Variants in LMX1A observed in about 807,000 individuals in gnomAD.
LMX1A encodes the protein LIM homeobox transcription factor 1 alpha.
LMX1A carries 15 observed loss-of-function variants against 49.1 expected under a neutral mutation model. The observed-to-expected ratio is 0.31, with a 90% CI of 0.20 to 0.47. The LOEUF (loss-of-function observed/expected upper bound fraction) is 0.47, where lower values mean the gene tolerates loss of function less well. Among genes scored for constraint, LMX1A ranks in the 20% least tolerant of loss-of-function variants. LMX1A has a pLI of 1.00. For missense variants in LMX1A, 372 were observed against 475.8 expected (o/e 0.78, Z 2.03); for synonymous variants, 167 against 185.7 (o/e 0.90, Z 0.82).
chr1:165,349,899 A>G (rs936980729), intron 3 of LMX1A, among the ~76,000 whole-genome samples: 9 of 152,350 alleles, frequency 5.9e-5, no homozygotes, highest in African/African-American at 2.2e-4. Flanking sequence ...AGAAATGCAC[A>G]TACAGATGGC....
At chr1:165,337,250 T>C (rs1166718536) in intron 3 of LMX1A, among the ~76,000 whole-genome samples, 1 of 152,206 alleles carries the variant, frequency 6.6e-6, no homozygotes, top group Non-Finnish European at 1.5e-5. Flanking sequence ...AATCTTACTC[T>C]AAACATAACA....
intron 4 of LMX1A, among the ~76,000 whole-genome samples, chr1:165,223,741 A>C (rs1185740830): frequency 6.6e-6 from 1 of 151,274 alleles, no homozygotes; most frequent in Admixed American, 6.6e-5. Context: ...ACAATTTTGT[A>C]TGTTGTCTTA....
intron 3 of LMX1A, among the ~76,000 whole-genome samples, chr1:165,260,333 GGT>G (rs3038100): frequency 4.6e-5 from 7 of 151,218 alleles, no homozygotes; most frequent in African/African-American, 9.7e-5. Context: ...TATATTTCCT[GGT>G]GTGTGTGTGT....
At position 165,327,019 on chromosome 1, in the gene LMX1A, A is replaced by T. The variant is rs534075801; in HGVS notation, c.263+26057T>A. On this transcript the variant is annotated intron_variant, in intron 3 of 8. Coordinates refer to ENST00000342310, the MANE Select transcript of LMX1A (RefSeq NM_177398.4). Reference sequence around the variant, plus strand: ...GAGACAGAGAAACCCTACTACATCCACCATGGCTCAACAACTCAATTACCT... The same window carrying T: ...GAGACAGAGAAACCCTACTACATCCTCCATGGCTCAACAACTCAATTACCT... 2.9e-3 allele frequency among the ~76,000 whole-genome samples: 449 copies of T among 152,218 alleles called. 1 individual carries two copies. Among genetic ancestry groups the T allele is most frequent in the Non-Finnish European group, 5.1e-3 (346 of 68,014 alleles).
chr1:165,316,891 A>T (rs1349643983), intron 3 of LMX1A, among the ~76,000 whole-genome samples: 2 of 152,188 alleles, frequency 1.3e-5, no homozygotes, highest in African/African-American at 4.8e-5. Context: ...AACAGGATTG[A>T]GGCTTCCCTT....
At chr1:165,342,419 A>C (rs1656103482) in intron 3 of LMX1A, among the ~76,000 whole-genome samples, 1 of 152,232 alleles carries the variant, frequency 6.6e-6, no homozygotes, top group Non-Finnish European at 1.5e-5. Flanking sequence ...ACAAGCTCCC[A>C]GGACAAAAGT....
intron 3 of LMX1A, among the ~76,000 whole-genome samples, chr1:165,262,005 G>T (rs1653454745): frequency 6.6e-6 from 1 of 152,144 alleles, no homozygotes. Context: ...CTTAATAATG[G>T]TTGAGATGAT....
chr1:165,311,482 C>T (rs1655073892), intron 3 of LMX1A, among the ~76,000 whole-genome samples: 1 of 152,232 alleles, frequency 6.6e-6, no homozygotes, highest in Non-Finnish European at 1.5e-5. Context: ...GGTACTGCAG[C>T]TGTCGGCTGT....
intron 4 of LMX1A, among the ~76,000 whole-genome samples, chr1:165,242,801 G>A (rs1264538931): frequency 1.3e-5 from 2 of 151,464 alleles, no homozygotes; most frequent in Non-Finnish European, 2.9e-5. Context: ...ATTTAGGCGG[G>A]TGCCTATAGT....
At chr1:165,320,060 T>A (rs764941888) in intron 3 of LMX1A, among the ~76,000 whole-genome samples, 13 of 152,184 alleles carry the variant, frequency 8.5e-5, no homozygotes, top group Non-Finnish European at 1.8e-4. Flanking sequence ...GTTTTCTCCC[T>A]AGTGAAGAAG....
intron 3 of LMX1A, among the ~76,000 whole-genome samples, chr1:165,321,847 CA>C (rs1655396308): frequency 6.6e-6 from 1 of 151,966 alleles, no homozygotes; most frequent in African/African-American, 2.4e-5. Context: ...AAAATATTTG[CA>C]AATCATATAA....
chr1:165,247,929 C>T (rs1283908397), intron 4 of LMX1A, among the ~76,000 whole-genome samples: 2 of 152,192 alleles, frequency 1.3e-5, no homozygotes, highest in Non-Finnish European at 2.9e-5. Flanking sequence ...AATGGTTTTT[C>T]TTCATGTGTT....
chr1:165,241,965 A>G (rs1182940957), intron 4 of LMX1A, among the ~76,000 whole-genome samples: 2 of 152,240 alleles, frequency 1.3e-5, no homozygotes, highest in African/African-American at 4.8e-5. Flanking sequence ...TATATCCCAC[A>G]GAAAATTAGG....
chr1:165,204,032 G>T lies in LMX1A; in HGVS notation c.997C>A (p.Pro333Thr). The T allele has an allele frequency of 6.2e-7, 1 of 1,614,044 alleles. No homozygotes were observed. Residue 333 changes from proline (P) to threonine (T), a missense_variant, in exon 9 of 9, where the codon CCC (proline) becomes ACC (threonine). By Grantham distance (38) the Pro-to-Thr change is conservative. Transcript: ENST00000342310. ...GDHMHPYGAE[P>T]LFHDLDSDDT... ...TCGCTATCCAGGTCATGGAAAAGGG[G>T]CTCGGCACCTGAAATGGAGATGAAA... is the stretch of plus-strand genomic sequence containing the variant.
chr1:165,316,709 G>T (rs973365344), intron 3 of LMX1A, among the ~76,000 whole-genome samples: 1 of 152,146 alleles, frequency 6.6e-6, no homozygotes, highest in African/African-American at 2.4e-5. Context: ...AGGGGCATCC[G>T]AGTTACACAC....
At chr1:165,351,016 C>T (rs1234875587) in intron 3 of LMX1A, among the ~76,000 whole-genome samples, 1 of 152,172 alleles carries the variant, frequency 6.6e-6, no homozygotes, top group Non-Finnish European at 1.5e-5. Flanking sequence ...CCAAACCGCG[C>T]CAAACCTGGA....
At chr1:165,344,985 C>A (rs929231274) in intron 3 of LMX1A, among the ~76,000 whole-genome samples, 5 of 152,192 alleles carry the variant, frequency 3.3e-5, no homozygotes, top group Non-Finnish European at 5.9e-5. Flanking sequence ...ATATTCGGAC[C>A]CTCCTGCAGA....
intron 4 of LMX1A, among the ~76,000 whole-genome samples, chr1:165,233,543 G>A (rs1239718468): frequency 6.6e-6 from 1 of 152,152 alleles, no homozygotes; most frequent in Non-Finnish European, 1.5e-5. Flanking sequence ...TTAAATCCCA[G>A]ATCTATGTGT....
intron 4 of LMX1A, among the ~76,000 whole-genome samples, chr1:165,232,509 A>T (rs763803747): frequency 1.3e-5 from 2 of 151,946 alleles, no homozygotes; most frequent in Admixed American, 1.3e-4. Flanking sequence ...ACATTTCCAT[A>T]TTTTTTTTCA....
Sources: allele counts gnomAD v4.1 joint callset (sites outside exome capture counted in the v4.1 genomes callset), GRCh38; gene constraint gnomAD v4.1.1; transcripts MANE v1.5; gene names NCBI Gene and HGNC (gene_info 2026-07-23, HGNC 2026-07-21).